TXNDC2: variants seen among roughly 807,000 people sequenced by gnomAD.
TXNDC2 encodes thioredoxin domain containing 2.
A neutral mutation model predicts 0.4 loss-of-function variants in TXNDC2; 1 was observed. That is an observed-to-expected ratio of 2.30 (90% CI 0.82 to 10.89). The LOEUF (loss-of-function observed/expected upper bound fraction) is 10.89, where lower values mean the gene tolerates loss of function less well. Ranked by LOEUF, TXNDC2 falls within the 30% of genes most tolerant of loss-of-function variation. The probability of loss-of-function intolerance (pLI) is 0.12; values close to 1 mark genes in which losing one functional copy is unlikely to be tolerated. For missense variants in TXNDC2, 509 were observed against 579.8 expected, an observed-to-expected ratio of 0.88 and a Z score of 1.25; for synonymous variants, 183 against 224.6, an observed-to-expected ratio of 0.81 and a Z score of 1.66.
At position 9,886,859 on chromosome 18, in the gene TXNDC2, T is replaced by A. The variant is rs746758271; in HGVS notation, c.179T>A (p.Ile60Asn). The change falls in exon 2 of 2, where the codon ATC becomes AAC. Residue 60 changes from isoleucine to asparagine, a missense_variant. By Grantham distance (149) the Ile-to-Asn change is moderately radical. Around this residue, in one of 5 missense-constraint regions of TXNDC2, gnomAD observed 187 missense variants for 218.0 expected, o/e 0.86. Coordinates refer to ENST00000357775, the MANE Select transcript of TXNDC2 (RefSeq NM_032243.6). ...ATCCCCAAGGCCCCAGAAGAAACCATCCAATCCAAGAAGGAGGACCTCCCC... is the reference window on the plus strand; with the variant it reads ...ATCCCCAAGGCCCCAGAAGAAACCAACCAATCCAAGAAGGAGGACCTCCCC... Reference protein sequence around the residue: ...GDIPKAPEETIQSKKEDLPKS... With the variant: ...GDIPKAPEETNQSKKEDLPKS... 1.3e-4 allele frequency: 216 copies of A among 1,602,720 alleles called. No individual in the cohort carries two copies. The highest frequency in any genetic ancestry group is 1.8e-4 in the Non-Finnish European group (212 of 1,174,050).
chr18:9,888,270 A>G lies in TXNDC2; in HGVS notation c.*129A>G, dbSNP rs1356814910. The G allele has an allele frequency of 1.7e-5, 12 of 727,240 alleles. No individual in the cohort carries two copies. In the East Asian group the frequency reaches 3.2e-4, roughly 20 times the overall value. The allele number at this position is 727,240 out of a possible 1,614,324, so 45.0% of individuals were successfully genotyped here. On this transcript the variant is annotated 3_prime_UTR_variant, in exon 2 of 2. Coordinates refer to ENST00000357775, the MANE Select transcript of TXNDC2 (RefSeq NM_032243.6). Reference sequence around the variant, plus strand: ...AATGGCACTGCTTGTACATGATAATATTAACTCTACCCTTTTCAAAAAACA... The same window carrying G: ...AATGGCACTGCTTGTACATGATAATGTTAACTCTACCCTTTTCAAAAAACA...
chr18:9,886,755 C>G lies in TXNDC2; in HGVS notation c.75C>G (p.Ser25=). Residue 25 remains serine (S), a synonymous_variant, in exon 2 of 2, where the codon TCC becomes TCG. Transcript: ENST00000357775. The part of the protein sequence containing the change: ...ASQEGDDLPK[S]SANTSHPKQD... ...AGGAGGGCGATGACCTACCCAAGTCCTCAGCAAACACCAGCCATCCCAAGC... is the reference window on the plus strand; with the variant it reads ...AGGAGGGCGATGACCTACCCAAGTCGTCAGCAAACACCAGCCATCCCAAGC... 1 of 1,614,132 alleles carries G rather than the reference C, an allele frequency of 6.2e-7. No homozygotes were observed. Among genetic ancestry groups the G allele is most frequent in the Non-Finnish European group, 8.5e-7 (1 of 1,180,028 alleles).
chr18:9,886,147 A>T (rs1163745691), intron 1 of TXNDC2, 67 bp downstream of exon 1: 1 of 1,597,196 alleles, frequency 6.3e-7, no homozygotes, highest in South Asian at 1.1e-5. Flanking sequence ...TACGGCCTTT[A>T]CTATGAGGCA....
chr18:9,886,196 G>C, intron 1 of TXNDC2, 116 bp downstream of exon 1: 1 of 1,614,102 alleles, frequency 6.2e-7, no homozygotes, highest in Non-Finnish European at 8.5e-7. Context: ...CAAGGAACTA[G>C]GAATGGAAAG....
Position 9,888,101 on chromosome 18 carries a change from T to C in TXNDC2, c.1421T>C (p.Leu474Pro), listed in dbSNP as rs1196393929. Residue 474 changes from leucine to proline, a missense_variant, in exon 2 of 2, where the codon CTT becomes CCT. Leu to Pro is a moderately conservative substitution (Grantham distance 98). Coordinates refer to ENST00000357775, the MANE Select transcript of TXNDC2 (RefSeq NM_032243.6). ...EEKVDELCGALKEKLEAVIAE... is the reference protein window; with the variant it reads ...EEKVDELCGAPKEKLEAVIAE... Reference sequence around the variant, plus strand: ...AAGGTGGATGAACTTTGCGGCGCCCTTAAGGAAAAACTTGAAGCAGTCATT... The same window carrying C: ...AAGGTGGATGAACTTTGCGGCGCCCCTAAGGAAAAACTTGAAGCAGTCATT... The C allele has an allele frequency of 6.2e-7, 1 of 1,613,646 alleles. No homozygotes were observed.
chr18:9,887,819 G>T lies in TXNDC2; in HGVS notation c.1139G>T (p.Gly380Val), dbSNP rs769455398. 1 of 1,611,050 alleles carries T rather than the reference G, an allele frequency of 6.2e-7. No homozygotes were observed. The highest frequency in any genetic ancestry group is 8.5e-7 in the Non-Finnish European group (1 of 1,178,396). ...PEEETMEFPE[G>V]DKVKVILSKE... ...GAAGAAACAATGGAGTTCCCGGAGG[G>T]GGACAAGGTGAAAGTGATCCTGAGC... is the stretch of plus-strand genomic sequence containing the variant. Residue 380 changes from glycine to valine, a missense_variant, in exon 2 of 2, where the codon GGG becomes GTG. This residue lies in a region of TXNDC2 where 229 missense variants were observed against 243.8 expected (regional missense o/e 0.94). Coordinates refer to ENST00000357775, the MANE Select transcript of TXNDC2 (RefSeq NM_032243.6).
At chr18:9,886,553 ATTTTAT>A (rs2068950481) in intron 1 of TXNDC2, 30 bp from the exon 2 acceptor site, 3 of 1,359,580 alleles carry the variant, frequency 2.2e-6, no homozygotes, top group Admixed American at 4.7e-5. Context: ...TATTTGATTT[ATTTTAT>A]TTTATTTTAT....
At position 9,886,758 on chromosome 18, in the gene TXNDC2, A is replaced by G. The variant is rs1290910158; in HGVS notation, c.78A>G (p.Ser26=). The change falls in exon 2 of 2, where the codon TCA becomes TCG. Residue 26 remains serine, a synonymous_variant. Transcript: ENST00000357775. ...SQEGDDLPKS[S]ANTSHPKQDD... is the part of the protein sequence containing the mutation. ...AGGGCGATGACCTACCCAAGTCCTC[A>G]GCAAACACCAGCCATCCCAAGCAGG... 2 of 1,614,034 alleles carry G rather than the reference A, an allele frequency of 1.2e-6. No individual in the cohort carries two copies. The highest frequency in any genetic ancestry group is 1.1e-5 in the South Asian group (1 of 91,080).
intron 1 of TXNDC2, 87 bp downstream of exon 1, chr18:9,886,167 G>T: frequency 1.2e-6 from 2 of 1,613,214 alleles, no homozygotes; most frequent in South Asian, 2.2e-5. Context: ...ATCTATGAAG[G>T]ATCAGGAATG....
chr18:9,886,549 A>ATTTATTTTAT, intron 1 of TXNDC2, 40 bp from the exon 2 acceptor site: 1 of 1,418,076 alleles, frequency 7.1e-7, no homozygotes, highest in Non-Finnish European at 9.5e-7. Context: ...TTTCTATTTG[A>ATTTATTTTAT]TTTATTTTAT....
In TXNDC2 at chr18:9,886,708, A is replaced by C; in HGVS notation, c.28A>C (p.Thr10Pro). The change falls in exon 2 of 2, where the codon ACA (threonine) becomes CCA (proline). Residue 10 changes from threonine (T) to proline (P), a missense_variant. Transcript: ENST00000357775. MVSHTFHMR[T>P]EESDASQEGD... ...GGTCAGCCACACGTTCCACATGCGC[A>C]CAGAGGAGTCTGATGCCTCACAGGA... 6.2e-7 allele frequency: 1 copy of C among 1,614,146 alleles called. No individual in the cohort carries two copies. The highest frequency in any genetic ancestry group is 8.5e-7 in the Non-Finnish European group (1 of 1,180,026).
chr18:9,887,809 T>G lies in TXNDC2; in HGVS notation c.1129T>G (p.Phe377Val), dbSNP rs115529330. The change falls in exon 2 of 2, where the codon TTC becomes GTC. Residue 377 changes from phenylalanine to valine, a missense_variant. Phe to Val is a conservative substitution (Grantham distance 50, BLOSUM62 -1). Coordinates refer to ENST00000357775, the MANE Select transcript of TXNDC2 (RefSeq NM_032243.6). ...ILKPEEETME[F>V]PEGDKVKVIL... Reference sequence around the variant, plus strand: ...AAAGCCTGAAGAAGAAACAATGGAGTTCCCGGAGGGGGACAAGGTGAAAGT... The same window carrying G: ...AAAGCCTGAAGAAGAAACAATGGAGGTCCCGGAGGGGGACAAGGTGAAAGT... 1,259 of 1,611,482 alleles carry G rather than the reference T, an allele frequency of 7.8e-4. 8 individuals are homozygous for G. The African/African-American group carries it at 0.012, about 16-fold the overall frequency.
At chr18:9,886,397 G>C (rs150980691) in intron 1 of TXNDC2, 192 bp from the exon 2 acceptor site, 4 of 1,017,788 alleles carry the variant, frequency 3.9e-6, no homozygotes, top group Non-Finnish European at 5.8e-6. Flanking sequence ...CAGAAGATAC[G>C]TGTAACCACA....
chr18:9,888,050 C>G lies in TXNDC2; in HGVS notation c.1370C>G (p.Thr457Ser). The G allele has an allele frequency of 6.2e-7, 1 of 1,614,116 alleles. No individual in the cohort carries two copies. Among genetic ancestry groups the G allele is most frequent in the Non-Finnish European group, 8.5e-7 (1 of 1,180,004 alleles). The change falls in exon 2 of 2, where the codon ACC becomes AGC. Residue 457 changes from threonine (T) to serine (S), a missense_variant. Thr to Ser is a moderately conservative substitution (Grantham distance 58, BLOSUM62 1). Coordinates refer to ENST00000357775, the MANE Select transcript of TXNDC2 (RefSeq NM_032243.6). ...VRECAIMCVP[T>S]FQFYKKEEKV... ...GAGTGCGCCATCATGTGTGTCCCAA[C>G]CTTTCAGTTTTATAAAAAAGAAGAA...
chr18:9,886,904 T>C lies in TXNDC2; in HGVS notation c.224T>C (p.Ile75Thr). 1.9e-6 allele frequency: 3 copies of C among 1,603,706 alleles called. No individual in the cohort carries two copies. Among genetic ancestry groups the C allele is most frequent in the Non-Finnish European group, 1.7e-6 (2 of 1,175,656 alleles). Residue 75 changes from isoleucine (I) to threonine (T), a missense_variant, in exon 2 of 2, where the codon ATC (isoleucine) becomes ACC (threonine). Ile to Thr is a moderately conservative substitution (Grantham distance 89). Coordinates refer to ENST00000357775, the MANE Select transcript of TXNDC2 (RefSeq NM_032243.6). ...CTCCCCAAGTCCTCAGAAAAAGCCATCCAGCCCAAAGAGAGTAACATCCCC... is the reference window on the plus strand; with the variant it reads ...CTCCCCAAGTCCTCAGAAAAAGCCACCCAGCCCAAAGAGAGTAACATCCCC... ...EDLPKSSEKA[I>T]QPKESNIPKS...
Position 9,887,074 on chromosome 18 carries a change from G to A in TXNDC2, c.394G>A (p.Glu132Lys). ...SKKEDLPKSS[E>K]EAIQPKEGDI... ...GAAGGAGGACCTCCCCAAGTCCTCA[G>A]AAGAAGCCATCCAGCCCAAAGAGGG... Residue 132 changes from glutamate to lysine, a missense_variant, in exon 2 of 2, where the codon GAA becomes AAA. By Grantham distance (56) the Glu-to-Lys change is moderately conservative. Around this residue, in one of 5 missense-constraint regions of TXNDC2, gnomAD observed 187 missense variants for 218.0 expected, o/e 0.86. Coordinates refer to ENST00000357775, the MANE Select transcript of TXNDC2 (RefSeq NM_032243.6). The A allele has an allele frequency of 1.2e-6, 2 of 1,611,630 alleles. No individual in the cohort carries two copies. Among genetic ancestry groups the A allele is most frequent in the Non-Finnish European group, 1.7e-6 (2 of 1,179,376 alleles).
At position 9,886,791 on chromosome 18, in the gene TXNDC2, C is replaced by A; in HGVS notation, c.111C>A (p.Ser37Arg). The A allele has an allele frequency of 6.2e-7, 1 of 1,614,054 alleles. No homozygotes were observed. The highest frequency in any genetic ancestry group is 8.5e-7 in the Non-Finnish European group (1 of 1,180,006). Reference sequence around the variant, plus strand: ...CCAGCCATCCCAAGCAGGATGACAGCCCCAAGTCCTCAGAAGAAACCATCC... The same window carrying A: ...CCAGCCATCCCAAGCAGGATGACAGACCCAAGTCCTCAGAAGAAACCATCC... ...ANTSHPKQDD[S>R]PKSSEETIQP... Residue 37 changes from serine (S) to arginine (R), a missense_variant, in exon 2 of 2, where the codon AGC (serine) becomes AGA (arginine). By Grantham distance (110) the Ser-to-Arg change is moderately radical (BLOSUM62 -1). Around this residue, in one of 5 missense-constraint regions of TXNDC2, gnomAD observed 187 missense variants for 218.0 expected, o/e 0.86. Transcript: ENST00000357775.
rs1188265100 is a variant in TXNDC2, at chr18:9,887,060, T to G, written c.380T>G (p.Leu127Arg). 1 of 1,597,018 alleles carries G rather than the reference T, an allele frequency of 6.3e-7. No individual in the cohort carries two copies. The highest frequency in any genetic ancestry group is 8.5e-7 in the Non-Finnish European group (1 of 1,174,834). ...ACCATCCAATCCAAGAAGGAGGACC[T>G]CCCCAAGTCCTCAGAAGAAGCCATC... Reference protein sequence around the residue: ...EETIQSKKEDLPKSSEEAIQP... With the variant: ...EETIQSKKEDRPKSSEEAIQP... Residue 127 changes from leucine (L) to arginine (R), a missense_variant, in exon 2 of 2, where the codon CTC becomes CGC. Around this residue, in one of 5 missense-constraint regions of TXNDC2, gnomAD observed 187 missense variants for 218.0 expected, o/e 0.86. Transcript: ENST00000357775.
Position 9,887,561 on chromosome 18 carries a change from A to C in TXNDC2, c.881A>C (p.Lys294Thr), listed in dbSNP as rs1237044611. Residue 294 changes from lysine to threonine, a missense_variant, in exon 2 of 2, where the codon AAG becomes ACG. Around this residue, in one of 5 missense-constraint regions of TXNDC2, gnomAD observed 229 missense variants for 243.8 expected, o/e 0.94. Transcript: ENST00000357775. Reference sequence around the variant, plus strand: ...CAGCCCAAGAAGGGTGACATCCCCAAGTCCCCAGAAGAAGCCATCCAGCCC... The same window carrying C: ...CAGCCCAAGAAGGGTGACATCCCCACGTCCCCAGAAGAAGCCATCCAGCCC... Reference protein sequence around the residue: ...TIQPKKGDIPKSPEEAIQPKE... With the variant: ...TIQPKKGDIPTSPEEAIQPKE... 1 of 1,595,608 alleles carries C rather than the reference A, an allele frequency of 6.3e-7. No homozygotes were observed. Among genetic ancestry groups the C allele is most frequent in the African/African-American group, 1.4e-5 (1 of 73,908 alleles).
Sources: allele counts gnomAD v4.1 joint callset, GRCh38; gene constraint gnomAD v4.1.1; regional missense constraint gnomAD v4.1.1; transcripts MANE v1.5; gene names NCBI Gene and HGNC (gene_info 2026-07-23, HGNC 2026-07-21).